SH3GL2: variants seen among roughly 807,000 people sequenced by gnomAD.
The protein encoded by SH3GL2 is endophilin-A1.
SH3GL2 carries 24 observed loss-of-function variants against 46.0 expected under a neutral mutation model. The ratio of observed to expected loss-of-function variants is 0.52; its 90% CI spans 0.38 to 0.73. The LOEUF (loss-of-function observed/expected upper bound fraction) is 0.73. SH3GL2 is among the 30% of genes least tolerant of loss of function. The pLI is 0.00. For missense variants in SH3GL2, 413 were observed against 424.2 expected, an observed-to-expected ratio of 0.97 and a Z score of 0.23; for synonymous variants, 196 against 147.1, an observed-to-expected ratio of 1.33 and a Z score of -2.40.
intron 1 of SH3GL2, among the ~76,000 whole-genome samples, chr9:17,684,351 C>T (rs1454446628): frequency 6.6e-6 from 1 of 151,948 alleles, no homozygotes; most frequent in African/African-American, 2.4e-5. Context: ...AAGAAATAAT[C>T]AGTATATTTG....
At chr9:17,664,401 G>A (rs1246800055) in intron 1 of SH3GL2, among the ~76,000 whole-genome samples, 1 of 152,096 alleles carries the variant, frequency 6.6e-6, no homozygotes, top group Non-Finnish European at 1.5e-5. Context: ...TTTGTGGGTT[G>A]CTTTGCATTT....
At chr9:17,636,973 A>G (rs1819557344) in intron 1 of SH3GL2, among the ~76,000 whole-genome samples, 1 of 152,204 alleles carries the variant, frequency 6.6e-6, no homozygotes, top group Non-Finnish European at 1.5e-5. Flanking sequence ...ATTTTCTTAC[A>G]ATTTGCTTGT....
chr9:17,625,381 T>G (rs1819258503), intron 1 of SH3GL2, among the ~76,000 whole-genome samples: 1 of 152,206 alleles, frequency 6.6e-6, no homozygotes, highest in African/African-American at 2.4e-5. Flanking sequence ...CAGTTCGTTT[T>G]TTACAGTCCA....
At chr9:17,615,129 C>G (rs1302411917) in intron 1 of SH3GL2, among the ~76,000 whole-genome samples, 1 of 152,134 alleles carries the variant, frequency 6.6e-6, no homozygotes, top group African/African-American at 2.4e-5. Context: ...GTAGGACCCA[C>G]GGCTGTGTGT....
chr9:17,643,490 G>C (rs1819734363), intron 1 of SH3GL2, among the ~76,000 whole-genome samples: 1 of 152,180 alleles, frequency 6.6e-6, no homozygotes, highest in East Asian at 1.9e-4. Context: ...TGCCCATTCA[G>C]TATGATATTG....
At chr9:17,689,952 C>T (rs1170322838) in intron 1 of SH3GL2, among the ~76,000 whole-genome samples, 1 of 152,130 alleles carries the variant, frequency 6.6e-6, no homozygotes, top group Non-Finnish European at 1.5e-5. Flanking sequence ...ACTAGAACAA[C>T]TCCAGGCAAG....
intron 1 of SH3GL2, among the ~76,000 whole-genome samples, chr9:17,725,915 G>A (rs554133203): frequency 6.6e-6 from 1 of 152,210 alleles, no homozygotes; most frequent in Non-Finnish European, 1.5e-5. Context: ...GGGAACCCCC[G>A]TGTTCTTGGC....
intron 2 of SH3GL2, among the ~76,000 whole-genome samples, chr9:17,752,762 A>G (rs1822882589): frequency 6.6e-6 from 1 of 152,156 alleles, no homozygotes; most frequent in Non-Finnish European, 1.5e-5. Context: ...TTACATAGGT[A>G]GACACGTGTC....
chr9:17,786,799 A>G (rs564305257), intron 4 of SH3GL2, among the ~76,000 whole-genome samples: 4 of 151,582 alleles, frequency 2.6e-5, no homozygotes, highest in Admixed American at 1.3e-4. Context: ...GGCACTTTCT[A>G]TTGGGTGTTT....
intron 1 of SH3GL2, among the ~76,000 whole-genome samples, chr9:17,623,705 T>TACACACACACACAC (rs10660392): frequency 1.6e-4 from 23 of 147,796 alleles, no homozygotes; most frequent in African/African-American, 5.7e-4. Flanking sequence ...TATAATTTCC[T>TACACACACACACAC]ACACACACAC....
intron 1 of SH3GL2, among the ~76,000 whole-genome samples, chr9:17,650,953 C>G (rs1819940621): frequency 6.6e-6 from 1 of 152,058 alleles, no homozygotes; most frequent in Admixed American, 6.6e-5. Context: ...CCATTTCATA[C>G]TAGACCTTTT....
intron 1 of SH3GL2, among the ~76,000 whole-genome samples, chr9:17,689,910 T>G (rs1341182852): frequency 1.3e-5 from 2 of 152,136 alleles, no homozygotes; most frequent in African/African-American, 4.8e-5. Flanking sequence ...TCGGGGACTT[T>G]GTTAATTCTG....
At chr9:17,729,566 T>C (rs544900525) in intron 1 of SH3GL2, among the ~76,000 whole-genome samples, 99 of 152,304 alleles carry the variant, frequency 6.5e-4, no homozygotes, top group African/African-American at 2.3e-3. Flanking sequence ...ATTGCCTAGG[T>C]TTTCTTCTAG....
chr9:17,784,190 A>G (rs1017059451), intron 3 of SH3GL2, among the ~76,000 whole-genome samples: 1 of 152,162 alleles, frequency 6.6e-6, no homozygotes, highest in African/African-American at 2.4e-5. Context: ...TCTTATGAAA[A>G]TATAGAACAT....
Position 17,672,083 on chromosome 9 carries a change from C to A in SH3GL2, c.46-74983C>A, listed in dbSNP as rs187704999. Among the ~76,000 whole-genome samples, 792 of 152,226 alleles carry A rather than the reference C, an allele frequency of 5.2e-3. 2 individuals are homozygous for A. Among genetic ancestry groups the A allele is most frequent in the Middle Eastern group, 0.017 (5 of 294 alleles). On this transcript the variant is annotated intron_variant, in intron 1 of 8. Coordinates refer to ENST00000380607, the MANE Select transcript of SH3GL2 (RefSeq NM_003026.5). ...AAATTGGAAACCGACCTCTGGAACTCAATGTTTTGTTTTGACCTAAATCTA... is the reference window on the plus strand; with the variant it reads ...AAATTGGAAACCGACCTCTGGAACTAAATGTTTTGTTTTGACCTAAATCTA...
chr9:17,789,236 C>T (rs751866537), intron 5 of SH3GL2, among the ~76,000 whole-genome samples, 156 bp from the exon 6 acceptor site: 5 of 151,892 alleles, frequency 3.3e-5, no homozygotes, highest in Admixed American at 2.0e-4. Flanking sequence ...AGCACTGGCC[C>T]CATTGATGCA....
At chr9:17,667,909 G>A (rs544556011) in intron 1 of SH3GL2, among the ~76,000 whole-genome samples, 5 of 152,178 alleles carry the variant, frequency 3.3e-5, no homozygotes, top group African/African-American at 1.2e-4. Context: ...GACTAAGGAT[G>A]TTGAGCATCT....
In SH3GL2 at chr9:17,621,874, G is replaced by C. The variant is rs576300282; in HGVS notation, c.45+42587G>C. 2.0e-4 allele frequency among the ~76,000 whole-genome samples: 31 copies of C among 152,232 alleles called. No individual in the cohort carries two copies. The East Asian group carries it at 6.0e-3, about 29-fold the overall frequency. On this transcript the variant is annotated intron_variant, in intron 1 of 8. Coordinates refer to ENST00000380607, the MANE Select transcript of SH3GL2 (RefSeq NM_003026.5). Reference sequence around the variant, plus strand: ...GCACTTGCAGTATGCCATAAGTGCCGCAGTTTTTGACTTTTTCTACTTTGC... The same window carrying C: ...GCACTTGCAGTATGCCATAAGTGCCCCAGTTTTTGACTTTTTCTACTTTGC...
chr9:17,735,679 A>C (rs545840105), intron 1 of SH3GL2: 24 of 579,588 alleles, frequency 4.1e-5, no homozygotes, highest in Non-Finnish European at 5.0e-5. Flanking sequence ...TTCTAGAACC[A>C]ATCCCCTGCA....
Sources: allele counts gnomAD v4.1 joint callset (sites outside exome capture counted in the v4.1 genomes callset), GRCh38; gene constraint gnomAD v4.1.1; transcripts MANE v1.5; gene names NCBI Gene and HGNC (gene_info 2026-07-23, HGNC 2026-07-21).